Variants in NARS2 observed in about 807,000 individuals in gnomAD.
The protein encoded by NARS2 is asparaginyl-tRNA synthetase 2, mitochondrial.
Under a neutral mutation model 62.9 loss-of-function variants are expected in NARS2, and 60 were observed. That is an observed-to-expected ratio of 0.95 (90% CI 0.77 to 1.18). The LOEUF is 1.18. Among genes scored for constraint, NARS2 ranks in the 50% most tolerant of loss-of-function variants. The pLI is 0.00. For synonymous variants in NARS2, 196 were observed against 200.0 expected, an observed-to-expected ratio of 0.98 and a Z score of 0.17; for missense variants, 619 against 576.4, an observed-to-expected ratio of 1.07 and a Z score of -0.76.
chr11:78,540,476 C>A lies in NARS2; in HGVS notation c.595-11540G>T, dbSNP rs943074650. ...GAACAGTGGAAAGGAATATAATCAA[C>A]AATGGAAAACTTATTTGACCTCTAC... On this transcript the variant is annotated intron_variant, in intron 5 of 13. Transcript: ENST00000281038. Among the ~76,000 whole-genome samples, 12 of 79,276 alleles carry A rather than the reference C, an allele frequency of 1.5e-4. No homozygotes were observed. In the East Asian group the frequency reaches 3.6e-3, roughly 24 times the overall value. 52.0% of individuals were successfully genotyped at this position (79,276 alleles called of 152,430 possible). A position where few individuals can be genotyped will look rare whatever the true frequency, so the allele number is the denominator to read the frequency against.
chr11:78,463,092 G>A (rs1234370090), intron 11 of NARS2, among the ~76,000 whole-genome samples: 1 of 151,934 alleles, frequency 6.6e-6, no homozygotes, highest in Non-Finnish European at 1.5e-5. Flanking sequence ...CACATAGGGG[G>A]CTCCCTCTGT....
Position 78,441,107 on chromosome 11 carries a change from T to A in NARS2, c.1273A>T (p.Thr425Ser), listed in dbSNP as rs1328136067. 2 of 1,612,402 alleles carry A rather than the reference T, an allele frequency of 1.2e-6. No homozygotes were observed. Among genetic ancestry groups the A allele is most frequent in the Non-Finnish European group, 1.7e-6 (2 of 1,179,262 alleles). ...LEERLARSGL[T>S]EVYQWYLDLR... ...CATTCTTACCATTGGTAGACTTCTG[T>A]AAGTCCCGATCTGTTTAAAGGAAAA... The change falls in exon 13 of 14, where the codon ACA (threonine) becomes TCA (serine). Residue 425 changes from threonine (T) to serine (S), a missense_variant. Transcript: ENST00000281038.
chr11:78,479,439 G>T (rs1859252810), intron 7 of NARS2, among the ~76,000 whole-genome samples: 1 of 152,108 alleles, frequency 6.6e-6, no homozygotes, highest in South Asian at 2.1e-4. Flanking sequence ...AGCCTGCGAG[G>T]TTGAGGCTAC....
chr11:78,500,565 C>T (rs1283093076), intron 6 of NARS2, among the ~76,000 whole-genome samples: 1 of 152,074 alleles, frequency 6.6e-6, no homozygotes, highest in African/African-American at 2.4e-5. Flanking sequence ...CCTCAACCTC[C>T]TGGGCTCAAG....
rs376948761 is a variant in NARS2, at chr11:78,571,364, C to T, written c.222G>A (p.Gln74=). Residue 74 remains glutamine, a synonymous_variant, in exon 2 of 14, where the codon CAG becomes CAA. Coordinates refer to ENST00000281038, the MANE Select transcript of NARS2 (RefSeq NM_024678.6). ...VNDGSSLESL[Q]VVADSGLDSR... ...TGTCAAGGCCTGAATCTGCAACAAC[C>T]TGAAGGCTTTCCAAAGATGACCCAT... 8.1e-6 allele frequency: 13 copies of T among 1,613,440 alleles called. No individual in the cohort carries two copies. In the East Asian group the frequency reaches 1.3e-4, roughly 17 times the overall value.
At chr11:78,472,916 G>A (rs1265528376) in intron 9 of NARS2, among the ~76,000 whole-genome samples, 1 of 152,210 alleles carries the variant, frequency 6.6e-6, no homozygotes, top group Non-Finnish European at 1.5e-5. Flanking sequence ...CTCTGATGTT[G>A]ATGACTTAAT....
chr11:78,548,684 TA>T (rs1327665657), intron 5 of NARS2, among the ~76,000 whole-genome samples: 1 of 152,196 alleles, frequency 6.6e-6, no homozygotes, highest in African/African-American at 2.4e-5. Flanking sequence ...ATCGTGGTGG[TA>T]AAAAGTAGCC....
At chr11:78,461,698 A>C (rs1858404651) in intron 11 of NARS2, among the ~76,000 whole-genome samples, 1 of 150,802 alleles carries the variant, frequency 6.6e-6, no homozygotes, top group African/African-American at 2.4e-5. Flanking sequence ...TGTAATCCAA[A>C]CACTTTAGGA....
intron 5 of NARS2, among the ~76,000 whole-genome samples, chr11:78,536,549 A>G (rs540977439): frequency 6.6e-6 from 1 of 152,204 alleles, no homozygotes; most frequent in Non-Finnish European, 1.5e-5. Flanking sequence ...TAAACAGTAA[A>G]AAAGAAATCT....
At chr11:78,479,442 G>A (rs1174833898) in intron 7 of NARS2, among the ~76,000 whole-genome samples, 1 of 152,126 alleles carries the variant, frequency 6.6e-6, no homozygotes, top group Non-Finnish European at 1.5e-5. Context: ...CTGCGAGGTT[G>A]AGGCTACAGT....
At chr11:78,568,474 A>T (rs866233959) in intron 3 of NARS2, among the ~76,000 whole-genome samples, 158 bp downstream of exon 3, 1 of 152,288 alleles carries the variant, frequency 6.6e-6, no homozygotes, top group Middle Eastern at 3.4e-3. Context: ...TACATAAATA[A>T]TTTTTGCTAC....
intron 5 of NARS2, among the ~76,000 whole-genome samples, chr11:78,544,848 T>C (rs374287908): frequency 7.0e-6 from 1 of 142,848 alleles, no homozygotes; most frequent in African/African-American, 2.6e-5. Context: ...CGCGTGGTGG[T>C]GGGCACCTGT....
chr11:78,573,858 C>T (rs1037193685), intron 1 of NARS2, among the ~76,000 whole-genome samples: 15 of 152,194 alleles, frequency 9.9e-5, no homozygotes, highest in African/African-American at 2.9e-4. Context: ...ACATTCCAGT[C>T]TTTCTCCGAA....
chr11:78,474,745 G>A (rs574774694), intron 9 of NARS2, among the ~76,000 whole-genome samples: 12 of 152,304 alleles, frequency 7.9e-5, no homozygotes, highest in African/African-American at 2.6e-4. Flanking sequence ...CACAGAGGTA[G>A]TAGATACCAA....
chr11:78,561,563 C>G (rs1243010027), intron 4 of NARS2, among the ~76,000 whole-genome samples: 1 of 152,180 alleles, frequency 6.6e-6, no homozygotes, highest in African/African-American at 2.4e-5. Context: ...TTATAAGGCT[C>G]TGAGTATCCC....
chr11:78,499,081 T>G (rs1228400986), intron 6 of NARS2, among the ~76,000 whole-genome samples: 3 of 151,250 alleles, frequency 2.0e-5, no homozygotes, highest in African/African-American at 7.3e-5. Context: ...CACGCCCGGC[T>G]AATTTTTTGT....
intron 9 of NARS2, among the ~76,000 whole-genome samples, chr11:78,476,822 T>C (rs1859119713): frequency 6.6e-6 from 1 of 152,156 alleles, no homozygotes; most frequent in Non-Finnish European, 1.5e-5. Flanking sequence ...AGAGTCGTAA[T>C]GATAGTGGGG....
intron 5 of NARS2, among the ~76,000 whole-genome samples, chr11:78,556,700 C>A (rs1856368058): frequency 2.0e-5 from 3 of 152,206 alleles, no homozygotes; most frequent in Admixed American, 2.0e-4. Context: ...GATCTTTAAA[C>A]TAAATTTGTA....
chr11:78,543,670 G>C (rs764421438), intron 5 of NARS2, among the ~76,000 whole-genome samples: 4 of 152,052 alleles, frequency 2.6e-5, no homozygotes, highest in Non-Finnish European at 4.4e-5. Flanking sequence ...AGCAGGAATA[G>C]ATACAACAAA....
Sources: allele counts gnomAD v4.1 joint callset (sites outside exome capture counted in the v4.1 genomes callset), GRCh38; gene constraint gnomAD v4.1.1; transcripts MANE v1.5; gene names NCBI Gene and HGNC (gene_info 2026-07-23, HGNC 2026-07-21).